The following PLIN3 variants were observed in gnomAD, a reference collection of about 807,000 sequenced individuals.
PLIN3 encodes the protein perilipin 3.
In PLIN3, 30 loss-of-function variants were observed where a neutral mutation model predicts 35.9. The ratio of observed to expected loss-of-function variants is 0.84; its 90% CI spans 0.62 to 1.13. The LOEUF (loss-of-function observed/expected upper bound fraction) is 1.13. Ranked by LOEUF, PLIN3 falls within the 50% of genes most tolerant of loss-of-function variation. The pLI is 0.00. For synonymous variants in PLIN3, 261 were observed against 262.5 expected, an observed-to-expected ratio of 0.99 and a Z score of 0.06; for missense variants, 603 against 596.9, an observed-to-expected ratio of 1.01 and a Z score of -0.11.
intron 1 of PLIN3, among the ~76,000 whole-genome samples, chr19:4,863,019 T>C (rs2030724999): frequency 6.6e-6 from 1 of 150,964 alleles, no homozygotes; most frequent in East Asian, 2.0e-4. Flanking sequence ...TAGCCAGGCA[T>C]GATGGTGGGC....
At chr19:4,861,260 T>C in intron 2 of PLIN3, 69 bp downstream of exon 2, 1 of 1,403,196 alleles carries the variant, frequency 7.1e-7, no homozygotes, top group South Asian at 1.2e-5. Flanking sequence ...CAGGGCACCC[T>C]GGGGTGGGAA....
chr19:4,839,424 T>TG lies in PLIN3; in HGVS notation c.1072dup (p.Gln358ProfsTer35), dbSNP rs1282467369. On this transcript the variant is annotated frameshift_variant, in exon 8 of 8. Coordinates refer to ENST00000221957, the MANE Select transcript of PLIN3 (RefSeq NM_005817.5). LOFTEE classifies it low-confidence loss of function (END_TRUNC). ...CACCTGGCGGCGGGCCTGCTGCACCTGGTCCTTCACATTGGTGGGGAGGCC... is the reference window on the plus strand; with the variant it reads ...CACCTGGCGGCGGGCCTGCTGCACCTGGGTCCTTCACATTGGTGGGGAGGCC... 6.2e-7 allele frequency: 1 copy of TG among 1,606,268 alleles called. No homozygotes were observed.
rs1377261327 is a variant in PLIN3, at chr19:4,859,847, G to A, written c.244C>T (p.Leu82Phe). ...CCACTCTGGGGCTCCAGCTTGGAGA[G>A]GATCGGCTGAGCCCCGCTGACAGCA... Reference protein sequence around the residue: ...AAAVSGAQPILSKLEPQIASA... With the variant: ...AAAVSGAQPIFSKLEPQIASA... The change falls in exon 3 of 8, where the codon CTC (leucine) becomes TTC (phenylalanine). Residue 82 changes from leucine to phenylalanine, a missense_variant. Physicochemically the swap from Leu to Phe is conservative, Grantham distance 22. Transcript: ENST00000221957. 3 of 1,613,056 alleles carry A rather than the reference G, an allele frequency of 1.9e-6. No homozygotes were observed. The highest frequency in any genetic ancestry group is 1.3e-5 in the African/African-American group (1 of 74,912).
intron 4 of PLIN3, among the ~76,000 whole-genome samples, chr19:4,855,956 G>A (rs562228971): frequency 4.7e-5 from 7 of 148,362 alleles, no homozygotes; most frequent in Non-Finnish European, 1.0e-4. Context: ...GTTGACAACC[G>A]CTCTGCTGTT....
intron 7 of PLIN3, among the ~76,000 whole-genome samples, 169 bp from the exon 8 acceptor site, chr19:4,839,705 G>A (rs1440244885): frequency 2.0e-5 from 3 of 149,628 alleles, no homozygotes; most frequent in African/African-American, 7.4e-5. Flanking sequence ...TCGCCCTGTC[G>A]CCCAGGCTGG....
In PLIN3 at chr19:4,838,958, C is replaced by G. The variant is rs2093624423; in HGVS notation, c.*234G>C. 2 of 399,358 alleles carry G rather than the reference C, an allele frequency of 5.0e-6. No homozygotes were observed. Among genetic ancestry groups the G allele is most frequent in the South Asian group, 2.0e-4 (2 of 10,216 alleles). The allele number at this position is 399,358 out of a possible 1,614,324, so 24.7% of individuals were successfully genotyped here. A position where few individuals can be genotyped will look rare whatever the true frequency, so the allele number is the denominator to read the frequency against. ...TGAAAGATATTTTTTCTGGACATCTCTCTCTACTGACTGATAGGGTGAGGC... is the reference window on the plus strand; with the variant it reads ...TGAAAGATATTTTTTCTGGACATCTGTCTCTACTGACTGATAGGGTGAGGC... On this transcript the variant is annotated 3_prime_UTR_variant, in exon 8 of 8. Transcript: ENST00000221957.
chr19:4,852,638 TTTC>T (rs1395930058), intron 4 of PLIN3, among the ~76,000 whole-genome samples: 1 of 151,918 alleles, frequency 6.6e-6, no homozygotes, highest in African/African-American at 2.4e-5. Context: ...ACCTCATTTC[TTTC>T]TTTCTTTTTT....
At chr19:4,841,819 G>A (rs1178115359) in intron 7 of PLIN3, among the ~76,000 whole-genome samples, 1 of 149,662 alleles carries the variant, frequency 6.7e-6, no homozygotes, top group Non-Finnish European at 1.5e-5. Context: ...GCAGGAGAAT[G>A]GCGTGAATCC....
intron 4 of PLIN3, 135 bp downstream of exon 4, chr19:4,859,455 G>A (rs1366662977): frequency 1.3e-6 from 1 of 750,658 alleles, no homozygotes; most frequent in East Asian, 2.5e-5. Context: ...AGTGGATTCG[G>A]GGTGGGGATG....
chr19:4,844,291 C>T (rs530444933), intron 7 of PLIN3, among the ~76,000 whole-genome samples: 1 of 152,094 alleles, frequency 6.6e-6, no homozygotes, highest in Admixed American at 6.6e-5. Context: ...TGGTGAAACC[C>T]TGTCTCTACT....
chr19:4,864,438 G>A (rs182931430), intron 1 of PLIN3, among the ~76,000 whole-genome samples: 10 of 147,936 alleles, frequency 6.8e-5, no homozygotes, highest in Non-Finnish European at 1.4e-4. Context: ...ATGAGTCACT[G>A]CACTCAGCCG....
intron 6 of PLIN3, among the ~76,000 whole-genome samples, chr19:4,845,651 G>A (rs11672233): frequency 2.6e-5 from 4 of 151,672 alleles, no homozygotes; most frequent in Non-Finnish European, 5.9e-5. Context: ...TCGGCCGAGC[G>A]CAGTGGCTCA....
chr19:4,864,406 C>T (rs1179118017), intron 1 of PLIN3, among the ~76,000 whole-genome samples: 1 of 151,716 alleles, frequency 6.6e-6, no homozygotes, highest in Non-Finnish European at 1.5e-5. Context: ...GCCTCAGCCT[C>T]CCAAAGTGCT....
intron 4 of PLIN3, among the ~76,000 whole-genome samples, chr19:4,855,740 T>C (rs939428366): frequency 3.9e-5 from 6 of 151,912 alleles, no homozygotes; most frequent in Non-Finnish European, 7.4e-5. Context: ...CTGGGCAATA[T>C]AGCAAGACCC....
At chr19:4,863,820 T>A (rs146218146) in intron 1 of PLIN3, among the ~76,000 whole-genome samples, 4 of 136,098 alleles carry the variant, frequency 2.9e-5, no homozygotes, top group Non-Finnish European at 3.2e-5. Flanking sequence ...AGAGCGAGAC[T>A]CCATCTCAAA....
Position 4,852,179 on chromosome 19 carries a change from A to G in PLIN3, c.471T>C (p.Ala157=), listed in dbSNP as rs752125104. 2.8e-5 allele frequency: 45 copies of G among 1,613,758 alleles called. No individual in the cohort carries two copies. The highest frequency in any genetic ancestry group is 3.3e-5 in the Non-Finnish European group (39 of 1,180,012). ...TTGTCTTGTCCACGCCGCTCTGCACAGCACCGCGGGTCGCGTCCACCGCCT... is the reference window on the plus strand; with the variant it reads ...TTGTCTTGTCCACGCCGCTCTGCACGGCACCGCGGGTCGCGTCCACCGCCT... ...LSEAVDATRG[A]VQSGVDKTKS... The change falls in exon 5 of 8, where the codon GCT becomes GCC. Residue 157 remains alanine (A), a synonymous_variant. Transcript: ENST00000221957.
chr19:4,839,147 A>G lies in PLIN3; in HGVS notation c.*45T>C, dbSNP rs1027437962. 2 of 1,474,256 alleles carry G rather than the reference A, an allele frequency of 1.4e-6. No individual in the cohort carries two copies. Among genetic ancestry groups the G allele is most frequent in the African/African-American group, 2.8e-5 (2 of 71,926 alleles). 91.3% of individuals were successfully genotyped at this position (1,474,256 alleles called of 1,614,324 possible). A position where few individuals can be genotyped will look rare whatever the true frequency, so the allele number is the denominator to read the frequency against. Reference sequence around the variant, plus strand: ...CCCCGGGTTGAGGACTCCAGAGCACAGCTGCATTATAGAGACGGGGCCCGC... The same window carrying G: ...CCCCGGGTTGAGGACTCCAGAGCACGGCTGCATTATAGAGACGGGGCCCGC... On this transcript the variant is annotated 3_prime_UTR_variant, in exon 8 of 8. Coordinates refer to ENST00000221957, the MANE Select transcript of PLIN3 (RefSeq NM_005817.5).
Position 4,852,086 on chromosome 19 carries a change from C to T in PLIN3, c.564G>A (p.Gly188=). Residue 188 remains glycine, a synonymous_variant, in exon 5 of 8, where the codon GGG becomes GGA. Coordinates refer to ENST00000221957, the MANE Select transcript of PLIN3 (RefSeq NM_005817.5). ...GSRLGQMVLS[G]VDTVLGKSEE... The stretch of plus-strand genomic sequence containing the variant: ...CCGACTTCCCCAGCACCGTGTCGAC[C>T]CCACTCAACACCATCTGGCCCAAGC... 1 of 1,613,968 alleles carries T rather than the reference C, an allele frequency of 6.2e-7. No individual in the cohort carries two copies. The highest frequency in any genetic ancestry group is 1.1e-5 in the South Asian group (1 of 91,082).
In PLIN3 at chr19:4,844,798, G is replaced by T. The variant is rs569258428; in HGVS notation, c.835-5C>A. On this transcript the variant is annotated splice_region_variant and splice_polypyrimidine_tract_variant and intron_variant, in intron 6 of 7. Coordinates refer to ENST00000221957, the MANE Select transcript of PLIN3 (RefSeq NM_005817.5). ...GCCTTGCTTGACAGTTTCCATCTGG[G>T]GCAGGGGAGAGAGAAGTGAGGGAAG... is the stretch of plus-strand genomic sequence containing the variant. 217 of 1,591,772 alleles carry T rather than the reference G, an allele frequency of 1.4e-4. 3 individuals are homozygous for T. In the South Asian group the frequency reaches 2.3e-3, roughly 17 times the overall value.
Sources: gnomAD v4.1 joint callset for allele counts (sites outside exome capture counted in the v4.1 genomes callset) on GRCh38, gnomAD v4.1.1 for gene constraint, MANE v1.5 for transcripts, NCBI Gene and HGNC (gene_info 2026-07-23, HGNC 2026-07-21) for gene names.